Variants in RANBP2 observed in about 807,000 individuals in gnomAD.
RANBP2 encodes the protein E3 SUMO-protein ligase RanBP2.
A neutral mutation model predicts 303.6 loss-of-function variants in RANBP2; 57 were observed. The ratio of observed to expected loss-of-function variants is 0.19; its 90% confidence interval spans 0.15 to 0.23. RANBP2 has a LOEUF of 0.23. Ranked by LOEUF, RANBP2 falls within the 10% of genes least tolerant of loss-of-function variation. RANBP2 has a pLI of 1.00. For missense variants in RANBP2, 3,138 were observed against 3,780.8 expected (o/e 0.83, Z 4.46); for synonymous variants, 1,167 against 1,301.5 (o/e 0.90, Z 2.23).
At chr2:108,952,679 T>C in the RANBP2 span, among the ~76,000 whole-genome samples, 8 of 152,256 alleles carry the variant, frequency 5.3e-5, no homozygotes, top group African/African-American at 1.9e-4. Context: ...CTTAGTTAAT[T>C]CCAACATCCG....
chr2:109,002,572 A>C, the RANBP2 span, among the ~76,000 whole-genome samples: 1 of 152,160 alleles, frequency 6.6e-6, no homozygotes, highest in African/African-American at 2.4e-5. Flanking sequence ...CAGTGCACCG[A>C]GCCCTTCACA....
At chr2:109,413,888 A>G in the RANBP2 span, among the ~76,000 whole-genome samples, 1 of 152,194 alleles carries the variant, frequency 6.6e-6, no homozygotes, top group Non-Finnish European at 1.5e-5. Context: ...AGTGGGATCA[A>G]GAGGTGTAAC....
chr2:109,364,958 G>C, the RANBP2 span, among the ~76,000 whole-genome samples: 1,869 of 152,222 alleles, frequency 0.012, 40 homozygotes, highest in African/African-American at 0.038. Context: ...GGGTGTAGTG[G>C]CACACGCTTG....
the RANBP2 span, among the ~76,000 whole-genome samples, chr2:109,085,158 A>G: frequency 6.6e-6 from 1 of 152,096 alleles, no homozygotes; most frequent in Non-Finnish European, 1.5e-5. Flanking sequence ...CTGCTTCGTT[A>G]TGAGGGAGCT....
At chr2:109,421,831 C>T in the RANBP2 span, among the ~76,000 whole-genome samples, 1 of 152,208 alleles carries the variant, frequency 6.6e-6, no homozygotes, top group Admixed American at 6.5e-5. Context: ...TGACCTGTGA[C>T]TGGTGATGGT....
At chr2:108,915,529 G>A in the RANBP2 span, among the ~76,000 whole-genome samples, 4 of 152,046 alleles carry the variant, frequency 2.6e-5, no homozygotes, top group African/African-American at 4.8e-5. Flanking sequence ...TTTTTTCCTC[G>A]TGGGCCTCAA....
At chr2:108,751,485 G>T (rs1443733929) in intron 10 of RANBP2, 40 bp downstream of exon 10, 1 of 1,611,736 alleles carries the variant, frequency 6.2e-7, no homozygotes, top group Non-Finnish European at 8.5e-7. Flanking sequence ...TCTGAATTTT[G>T]TTTAATTTTT....
At chr2:109,111,595 CT>C in the RANBP2 span, among the ~76,000 whole-genome samples, 30,851 of 137,910 alleles carry the variant, frequency 0.22, 4,460 homozygotes, top group East Asian at 0.65. Flanking sequence ...TTTTTCTTTT[CT>C]TTTTTTTTTT....
rs1211065627 is a variant in RANBP2, at chr2:108,752,625, AAAAAAAAAAAAG to A, written c.1756-366_1756-355del. 1.5e-4 allele frequency among the ~76,000 whole-genome samples: 21 copies of A among 142,042 alleles called. 1 individual carries two copies. The highest frequency in any genetic ancestry group is 3.9e-4 in the African/African-American group (14 of 36,002). The allele number at this position is 142,042 out of a possible 152,430, so 93.2% of individuals were successfully genotyped here. ...CGTCTCTACTAAAAATACAAAAAAAAAAAAAAAAAAAGAAAAAATTAGCCGGGCGTGGTGGCA... is the reference window on the plus strand; with the variant it reads ...CGTCTCTACTAAAAATACAAAAAAAAAAAAAATTAGCCGGGCGTGGTGGCA... On this transcript the variant is annotated intron_variant, in intron 12 of 28. Transcript: ENST00000283195.
the RANBP2 span, among the ~76,000 whole-genome samples, chr2:109,126,637 G>C: frequency 6.6e-6 from 1 of 152,218 alleles, no homozygotes; most frequent in Middle Eastern, 3.2e-3. Context: ...TTGGGAAGCA[G>C]AGGCAGCTGG....
In RANBP2 at chr2:108,768,111, T is replaced by G; in HGVS notation, c.7572T>G (p.Ile2524Met). Residue 2524 changes from isoleucine to methionine, a missense_variant, in exon 20 of 29, where the codon ATT becomes ATG. By Grantham distance (10) the Ile-to-Met change is conservative. Around this residue, in one of 20 missense-constraint regions of RANBP2, gnomAD observed 497 missense variants for 465.8 expected, o/e 1.07. Transcript: ENST00000283195. Reference sequence around the variant, plus strand: ...TTGGTTCAGAGTCTGTTAAAAGCATTTTTAGTAGTGAAAAATCAAAACCAT... The same window carrying G: ...TTGGTTCAGAGTCTGTTAAAAGCATGTTTAGTAGTGAAAAATCAAAACCAT... ...FVFGSESVKS[I>M]FSSEKSKPFA... is the part of the protein sequence containing the mutation. 3.7e-6 allele frequency: 6 copies of G among 1,612,050 alleles called. No individual in the cohort carries two copies. Among genetic ancestry groups the G allele is most frequent in the Non-Finnish European group, 5.1e-6 (6 of 1,179,868 alleles).
chr2:109,612,546 C>T, the RANBP2 span, among the ~76,000 whole-genome samples: 1 of 152,030 alleles, frequency 6.6e-6, no homozygotes, highest in African/African-American at 2.4e-5. Flanking sequence ...CAGTTTAATT[C>T]GAAAATAAGT....
At chr2:108,854,029 TTATATATAATATATAATAAATTTATATTA>T in the RANBP2 span, among the ~76,000 whole-genome samples, 3,280 of 112,122 alleles carry the variant, frequency 0.029, 160 homozygotes, top group African/African-American at 0.1. Flanking sequence ...TAAATTTATA[TTATATATAATATATAATAAATTTATATTA>T]TATATATTTT....
At chr2:108,861,135 A>T in the RANBP2 span, among the ~76,000 whole-genome samples, 1 of 149,232 alleles carries the variant, frequency 6.7e-6, no homozygotes, top group Non-Finnish European at 1.5e-5. Flanking sequence ...GTCTCTGAGG[A>T]TTTTTTTTTA....
the RANBP2 span, among the ~76,000 whole-genome samples, chr2:109,466,245 G>A: frequency 1.3e-5 from 2 of 151,864 alleles, no homozygotes; most frequent in Non-Finnish European, 2.9e-5. Flanking sequence ...ACCACACCCA[G>A]CTAATTTTTG....
At chr2:109,092,620 G>T in the RANBP2 span, among the ~76,000 whole-genome samples, 2 of 152,296 alleles carry the variant, frequency 1.3e-5, no homozygotes, top group South Asian at 4.2e-4. Flanking sequence ...GTCATCAAAA[G>T]CCAGTCTGTT....
At chr2:109,706,389 G>A in the RANBP2 span, among the ~76,000 whole-genome samples, 1 of 152,206 alleles carries the variant, frequency 6.6e-6, no homozygotes, top group Non-Finnish European at 1.5e-5. Flanking sequence ...GCTCAGCCCT[G>A]CCCTAGGGCC....
chr2:108,890,867 T>C, the RANBP2 span, among the ~76,000 whole-genome samples: 1 of 152,318 alleles, frequency 6.6e-6, no homozygotes, highest in South Asian at 2.1e-4. Context: ...TTTTATTCTT[T>C]TTCTTTTTGT....
chr2:109,185,811 G>A, the RANBP2 span, among the ~76,000 whole-genome samples: 1 of 152,240 alleles, frequency 6.6e-6, no homozygotes, highest in Non-Finnish European at 1.5e-5. Flanking sequence ...TTAATCTTCT[G>A]TGGCACTGTA....
Sources: allele counts gnomAD v4.1 joint callset (sites outside exome capture counted in the v4.1 genomes callset), GRCh38; gene constraint gnomAD v4.1.1; regional missense constraint gnomAD v4.1.1; transcripts MANE v1.5; gene names NCBI Gene and HGNC (gene_info 2026-07-23, HGNC 2026-07-21).